The following CNNM2 variants were observed in gnomAD, a reference collection of about 807,000 sequenced individuals.
The protein encoded by CNNM2 is metal transporter CNNM2.
CNNM2 carries 12 observed loss-of-function variants against 66.9 expected under a neutral mutation model. That is an observed-to-expected ratio of 0.18 (90% CI 0.11 to 0.29). CNNM2 has a LOEUF of 0.29. CNNM2 is among the 10% of genes least tolerant of loss of function. The pLI, the probability that CNNM2 is intolerant of heterozygous loss-of-function variation, is 1.00. For synonymous variants in CNNM2, 557 were observed against 501.8 expected (o/e 1.11, Z -1.47); for missense variants, 705 against 1,167.7 (o/e 0.60, Z 5.77).
At chr10:102,973,983 A>G (rs551048735) in intron 1 of CNNM2, among the ~76,000 whole-genome samples, 1 of 152,358 alleles carries the variant, frequency 6.6e-6, no homozygotes, top group East Asian at 1.9e-4. Flanking sequence ...TGCTGGTATA[A>G]CAGGGGTGAA....
chr10:102,920,142 T>G (rs1845565436), intron 1 of CNNM2, 41 bp downstream of exon 1: 1 of 1,613,872 alleles, frequency 6.2e-7, no homozygotes. Context: ...GCTCTTTCTC[T>G]CTCCATCCTC....
chr10:102,966,213 A>G (rs1335995359), intron 1 of CNNM2, among the ~76,000 whole-genome samples: 1 of 152,242 alleles, frequency 6.6e-6, no homozygotes, highest in Non-Finnish European at 1.5e-5. Flanking sequence ...TAAATAAACT[A>G]GAACTGTTTT....
intron 1 of CNNM2, among the ~76,000 whole-genome samples, chr10:103,040,980 A>G (rs1244158482): frequency 6.6e-6 from 1 of 152,148 alleles, no homozygotes; most frequent in Non-Finnish European, 1.5e-5. Context: ...CCCAGTTATC[A>G]TGACATGCCC....
intron 4 of CNNM2, among the ~76,000 whole-genome samples, chr10:103,057,465 T>A (rs936529552): frequency 3.2e-4 from 46 of 141,692 alleles, no homozygotes; most frequent in South Asian, 6.9e-4. Flanking sequence ...AACCCTGTTT[T>A]AAAAAAAAAA....
At position 103,059,132 on chromosome 10, in the gene CNNM2, C is replaced by T. The variant is rs1244253635; in HGVS notation, c.2073+2168C>T. Among the ~76,000 whole-genome samples the T allele has an allele frequency of 2.0e-5, 3 of 152,146 alleles. No homozygotes were observed. In the East Asian group the frequency reaches 5.8e-4, roughly 29 times the overall value. ...GGGACTACAGGCGTGCTCCACCACACCCGGCTAATTTTTGTATTTTCAGTC... is the reference window on the plus strand; with the variant it reads ...GGGACTACAGGCGTGCTCCACCACATCCGGCTAATTTTTGTATTTTCAGTC... On this transcript the variant is annotated intron_variant, in intron 4 of 7. Transcript: ENST00000369878.
chr10:102,927,359 A>G, intron 1 of CNNM2: 1 of 1,614,028 alleles, frequency 6.2e-7, no homozygotes, highest in Non-Finnish European at 8.5e-7. Context: ...CACAAACAAG[A>G]AACCCAAATC....
intron 2 of CNNM2, among the ~76,000 whole-genome samples, chr10:103,050,187 T>C (rs527342108): frequency 2.6e-4 from 40 of 152,328 alleles, no homozygotes; most frequent in Admixed American, 2.3e-3. Flanking sequence ...CTAGGTATAT[T>C]GTTTTCAGAT....
intron 1 of CNNM2, among the ~76,000 whole-genome samples, chr10:102,930,111 G>A (rs1846015910): frequency 6.6e-6 from 1 of 152,094 alleles, no homozygotes. Flanking sequence ...TAGAAACAGT[G>A]AAAAATTGGA....
chr10:102,980,220 G>A (rs1481798555), intron 1 of CNNM2, among the ~76,000 whole-genome samples: 7 of 152,136 alleles, frequency 4.6e-5, no homozygotes, highest in Non-Finnish European at 7.4e-5. Context: ...TGGGATTACA[G>A]GTGTGAGCCA....
chr10:102,935,382 A>T (rs1364850250), intron 1 of CNNM2, among the ~76,000 whole-genome samples: 2 of 151,838 alleles, frequency 1.3e-5, no homozygotes, highest in Non-Finnish European at 2.9e-5. Flanking sequence ...GGATCACTTG[A>T]GCCAGGAGGT....
chr10:103,032,414 G>A (rs1017634572), intron 1 of CNNM2, among the ~76,000 whole-genome samples: 6 of 152,028 alleles, frequency 3.9e-5, no homozygotes, highest in Non-Finnish European at 5.9e-5. Context: ...TCACCCCACC[G>A]CACTCCAACC....
chr10:103,087,235 A>C lies in CNNM2; in HGVS notation c.*10055A>C, dbSNP rs1158566534. On this transcript the variant is annotated 3_prime_UTR_variant, in exon 8 of 8. Coordinates refer to ENST00000369878, the MANE Select transcript of CNNM2 (RefSeq NM_017649.5). ...ACTACTGGCAACAGAGAGAAAACTC[A>C]TAATTTGTTTTAAAAAGCCCAGTTA... The C allele has an allele frequency of 7.1e-6, 1 of 140,078 alleles. No individual in the cohort carries two copies. Among genetic ancestry groups the C allele is most frequent in the Non-Finnish European group, 1.5e-5 (1 of 66,610 alleles). 8.7% of individuals were successfully genotyped at this position (140,078 alleles called of 1,614,324 possible).
intron 1 of CNNM2, among the ~76,000 whole-genome samples, chr10:102,973,542 A>G (rs2063579789): frequency 1.3e-5 from 2 of 150,598 alleles, no homozygotes; most frequent in Admixed American, 1.3e-4. Context: ...TGGTAGAGAC[A>G]AGGTCTTACT....
chr10:102,920,921 G>A (rs1845606974), intron 1 of CNNM2: 1 of 195,712 alleles, frequency 5.1e-6, no homozygotes, highest in African/African-American at 2.4e-5. Context: ...CAGAAAGCTT[G>A]AACCTTTAAC....
intron 6 of CNNM2, among the ~76,000 whole-genome samples, chr10:103,074,644 G>A (rs533945483): frequency 6.6e-6 from 1 of 152,030 alleles, no homozygotes; most frequent in Non-Finnish European, 1.5e-5. Context: ...ACCAGGCTGG[G>A]CAACATGGCA....
chr10:103,056,589 TA>T (rs2065300509), intron 3 of CNNM2, among the ~76,000 whole-genome samples: 2 of 152,212 alleles, frequency 1.3e-5, no homozygotes. Flanking sequence ...AGGAAAGAAG[TA>T]AAAGGAACAA....
chr10:102,962,234 G>T (rs376679872), intron 1 of CNNM2, among the ~76,000 whole-genome samples: 1 of 152,176 alleles, frequency 6.6e-6, no homozygotes, highest in East Asian at 1.9e-4. Context: ...AATATCTAAG[G>T]TGATGGGTTG....
At chr10:102,964,124 CAG>C (rs982504291) in intron 1 of CNNM2, among the ~76,000 whole-genome samples, 101 of 152,302 alleles carry the variant, frequency 6.6e-4, no homozygotes, top group African/African-American at 2.3e-3. Context: ...AGTCTACACT[CAG>C]AGTCTGCAGT....
chr10:102,996,554 A>G (rs1027426829), intron 1 of CNNM2, among the ~76,000 whole-genome samples: 5 of 152,166 alleles, frequency 3.3e-5, no homozygotes, highest in African/African-American at 9.7e-5. Flanking sequence ...ATAATTTAAA[A>G]ATCAGTTGGG....
Sources: allele counts gnomAD v4.1 joint callset (sites outside exome capture counted in the v4.1 genomes callset), GRCh38; gene constraint gnomAD v4.1.1; transcripts MANE v1.5; gene names NCBI Gene and HGNC (gene_info 2026-07-23, HGNC 2026-07-21).